MARK4: variants seen among roughly 807,000 people sequenced by gnomAD.
The protein encoded by MARK4 is MAP/microtubule affinity-regulating kinase 4.
Under a neutral mutation model 81.5 loss-of-function variants are expected in MARK4, and 19 were observed. The observed-to-expected ratio is 0.23, with a 90% CI of 0.16 to 0.34. The LOEUF (loss-of-function observed/expected upper bound fraction) is 0.34. Among genes scored for constraint, MARK4 ranks in the 10% least tolerant of loss-of-function variants. MARK4 has a pLI of 1.00. For missense variants in MARK4, 772 were observed against 1,058.8 expected, an observed-to-expected ratio of 0.73 and a Z score of 3.76; for synonymous variants, 436 against 439.0, an observed-to-expected ratio of 0.99 and a Z score of 0.08.
intron 1 of MARK4, among the ~76,000 whole-genome samples, chr19:45,253,039 T>G (rs902927582): frequency 6.6e-5 from 10 of 151,896 alleles, no homozygotes; most frequent in African/African-American, 2.4e-4. Context: ...CCCCATCTCC[T>G]GTGTCTCTGA....
chr19:45,271,196 A>G lies in MARK4; in HGVS notation c.550-276A>G, dbSNP rs922982197. ...GCTGGTATTATAGGCGTGAGCCACT[A>G]TGTCTGGCCTGTGCTAGGTTTTCTA... On this transcript the variant is annotated intron_variant, in intron 7 of 16. Transcript: ENST00000262891. The surrounding 1 kb of genome is among the most constrained non-coding windows in gnomAD (Gnocchi z 4.1). Among the ~76,000 whole-genome samples the G allele has an allele frequency of 1.3e-5, 2 of 152,188 alleles. No homozygotes were observed. Among genetic ancestry groups the G allele is most frequent in the Non-Finnish European group, 2.9e-5 (2 of 68,034 alleles).
intron 14 of MARK4, among the ~76,000 whole-genome samples, chr19:45,295,478 A>G (rs1970875000): frequency 6.6e-6 from 1 of 152,062 alleles, no homozygotes; most frequent in Non-Finnish European, 1.5e-5. Context: ...TCCTCGGTAA[A>G]ATGGGCTTGA....
intron 1 of MARK4, 31 bp from the exon 2 acceptor site, chr19:45,258,958 G>A (rs1970344543): frequency 1.2e-6 from 2 of 1,603,376 alleles, no homozygotes; most frequent in Non-Finnish European, 1.7e-6. Context: ...AGGTGGGATT[G>A]GATAGCTCAT....
At chr19:45,282,229 TAA>T (rs767436315) in intron 12 of MARK4, among the ~76,000 whole-genome samples, 13 of 117,852 alleles carry the variant, frequency 1.1e-4, no homozygotes, top group Admixed American at 2.6e-4. Flanking sequence ...TCAAAAAAAT[TAA>T]AAAAAAAAAA....
chr19:45,252,112 C>T (rs1970251554), intron 1 of MARK4, among the ~76,000 whole-genome samples: 1 of 151,982 alleles, frequency 6.6e-6, no homozygotes, highest in Admixed American at 6.5e-5. Context: ...TGGGTGCCGG[C>T]TCCCCAGGAG....
chr19:45,297,895 C>G lies in MARK4; in HGVS notation c.1818C>G (p.Ala606=), dbSNP rs780371193. 1 of 1,403,332 alleles carries G rather than the reference C, an allele frequency of 7.1e-7. No individual in the cohort carries two copies. The highest frequency in any genetic ancestry group is 9.5e-7 in the Non-Finnish European group (1 of 1,055,554). The allele number at this position is 1,403,332 out of a possible 1,614,324, so 86.9% of individuals were successfully genotyped here. ...TLAHEAAPLP[A]GRPRPTTNLF... ...CCCATGAGGCTGCACCCCTGCCCGC[C>G]GGGCGGCCCCGCCCCACCACCAACC... The change falls in exon 15 of 17, where the codon GCC becomes GCG. Residue 606 remains alanine, a synonymous_variant. Transcript: ENST00000262891.
intron 15 of MARK4, 129 bp downstream of exon 15, chr19:45,298,083 T>A: frequency 6.4e-7 from 1 of 1,569,902 alleles, no homozygotes; most frequent in Non-Finnish European, 8.7e-7. Context: ...CCTCGTTTCC[T>A]CCTCCTCCTC....
chr19:45,294,301 G>A (rs1304383496), intron 13 of MARK4, 48 bp from the exon 14 acceptor site: 1 of 1,556,726 alleles, frequency 6.4e-7, no homozygotes, highest in South Asian at 1.1e-5. Context: ...AGAAGCTCAG[G>A]GGCATGTCTT....
chr19:45,252,062 C>T (rs1010567052), intron 1 of MARK4, among the ~76,000 whole-genome samples: 21 of 152,038 alleles, frequency 1.4e-4, no homozygotes, highest in East Asian at 1.9e-4. Flanking sequence ...CAGGGCCTGG[C>T]CCAGTCCTGC....
chr19:45,252,927 C>G (rs1409047276), intron 1 of MARK4, among the ~76,000 whole-genome samples: 1 of 152,026 alleles, frequency 6.6e-6, no homozygotes, highest in African/African-American at 2.4e-5. Context: ...CCCCAAGACC[C>G]AGGGATTCCT....
intron 1 of MARK4, 129 bp downstream of exon 1, chr19:45,251,768 G>A: frequency 3.7e-6 from 3 of 818,206 alleles, no homozygotes; most frequent in Non-Finnish European, 5.6e-6. Flanking sequence ...GTCACCTCTC[G>A]ACCCCTCCCG....
At chr19:45,288,497 G>A (rs1331226152) in intron 13 of MARK4, 1 of 148,008 alleles carries the variant, frequency 6.8e-6, no homozygotes, top group Non-Finnish European at 1.5e-5. Context: ...AAGCTACAGT[G>A]AGCTAAGATT....
rs1349763212 is a variant in MARK4 at position 45,257,201 on chromosome 19, G to A, written c.52-1788G>A. On this transcript the variant is annotated intron_variant, in intron 1 of 16. Coordinates refer to ENST00000262891, the MANE Select transcript of MARK4 (RefSeq NM_001199867.2). The stretch of plus-strand genomic sequence containing the variant: ...GGTCTCAAACTCCCTGGCTTCAAGC[G>A]ATCCTCCCGCCTTGTCAATGATTTT... Among the ~76,000 whole-genome samples the A allele has an allele frequency of 2.6e-5, 4 of 151,862 alleles. No homozygotes were observed. In the East Asian group the frequency reaches 7.7e-4, roughly 29 times the overall value.
intron 2 of MARK4, among the ~76,000 whole-genome samples, chr19:45,260,708 A>C (rs1350573859): frequency 2.0e-5 from 3 of 151,966 alleles, no homozygotes; most frequent in Non-Finnish European, 4.4e-5. Flanking sequence ...AAATAAATAA[A>C]TAAATAAATA....
intron 14 of MARK4, among the ~76,000 whole-genome samples, chr19:45,297,343 C>T (rs946736889): frequency 2.6e-5 from 4 of 152,086 alleles, no homozygotes; most frequent in Non-Finnish European, 4.4e-5. Flanking sequence ...CCTGAGGTTT[C>T]GGCAAATAGC....
In MARK4 at chr19:45,304,637, A is replaced by G. The variant is rs1329850384; in HGVS notation, c.*1927A>G. On this transcript the variant is annotated 3_prime_UTR_variant, in exon 17 of 17. Transcript: ENST00000262891. ...CTGGGGACACAGTGGTAATCAAGAC[A>G]GCCCCAACACTGCCCTCATAGAGCT... 6.6e-6 allele frequency: 1 copy of G among 152,260 alleles called. No individual in the cohort carries two copies. Among genetic ancestry groups the G allele is most frequent in the East Asian group, 1.9e-4 (1 of 5,192 alleles). The allele number at this position is 152,260 out of a possible 1,614,324, so 9.4% of individuals were successfully genotyped here.
intron 13 of MARK4, chr19:45,287,951 G>A: frequency 2.1e-6 from 1 of 468,508 alleles, no homozygotes; most frequent in Non-Finnish European, 3.9e-6. Flanking sequence ...TTAAAAATGT[G>A]GGAAAGGCCA....
intron 16 of MARK4, among the ~76,000 whole-genome samples, chr19:45,300,864 G>T (rs1970960808): frequency 6.6e-6 from 1 of 152,092 alleles, no homozygotes; most frequent in African/African-American, 2.4e-5. Flanking sequence ...CTTGACCCAA[G>T]CACAGTGGCC....
At position 45,261,762 on chromosome 19, in the gene MARK4, C is replaced by T. The variant is rs147848571; in HGVS notation, c.253-1351C>T. On this transcript the variant is annotated intron_variant, in intron 2 of 16. Transcript: ENST00000262891. ...CAGCTTGGCCAACATGGAGAAACCC[C>T]GTCTCTACTAAAAATACAAAATTAG... 1.1e-3 allele frequency among the ~76,000 whole-genome samples: 174 copies of T among 152,188 alleles called. 1 individual carries two copies. The highest frequency in any genetic ancestry group is 4.0e-3 in the African/African-American group (165 of 41,540).
Sources: gnomAD v4.1 joint callset for allele counts (sites outside exome capture counted in the v4.1 genomes callset) on GRCh38, gnomAD v4.1.1 for gene constraint, Gnocchi (gnomAD v3.1) non-coding constraint, MANE v1.5 for transcripts, NCBI Gene and HGNC (gene_info 2026-07-23, HGNC 2026-07-21) for gene names.